Variants in SPPL3 observed in about 807,000 individuals in gnomAD.
The protein encoded by SPPL3 is signal peptide peptidase like 3.
SPPL3 carries 5 observed loss-of-function variants against 42.4 expected under a neutral mutation model. That is an observed-to-expected ratio of 0.12 (90% CI 0.06 to 0.25). The LOEUF is 0.25. SPPL3 is among the 10% of genes least tolerant of loss of function. The pLI is 1.00. For synonymous variants in SPPL3, 195 were observed against 181.8 expected (o/e 1.07, Z -0.58); for missense variants, 235 against 489.0 (o/e 0.48, Z 4.90).
Position 120,767,387 on chromosome 12 carries a change from C to CAAG in SPPL3, c.973+6_973+7insCTT. 1.2e-6 allele frequency: 2 copies of CAAG among 1,611,086 alleles called. No homozygotes were observed. Among genetic ancestry groups the CAAG allele is most frequent in the Non-Finnish European group, 1.7e-6 (2 of 1,179,872 alleles). ...AGGATCATCTGCAGTCTCTCTGGTT[C>CAAG]TCTTACCTACAAAGTATCCGATGAG... On this transcript the variant is annotated splice_region_variant and intron_variant, in intron 9 of 10. Coordinates refer to ENST00000353487, the MANE Select transcript of SPPL3 (RefSeq NM_139015.5).
At chr12:120,839,850 T>TAA (rs919847886) in intron 1 of SPPL3, among the ~76,000 whole-genome samples, 2 of 148,088 alleles carry the variant, frequency 1.4e-5, no homozygotes, top group African/African-American at 5.0e-5. Flanking sequence ...TACACATATA[T>TAA]AAAAAAAAAA....
intron 1 of SPPL3, among the ~76,000 whole-genome samples, chr12:120,869,469 T>A (rs146130224): frequency 6.6e-6 from 1 of 152,228 alleles, no homozygotes; most frequent in African/African-American, 2.4e-5. Context: ...AGCACTTTCC[T>A]GCACACTGCA....
intron 1 of SPPL3, among the ~76,000 whole-genome samples, chr12:120,813,298 G>A (rs533633667): frequency 2.0e-5 from 3 of 151,286 alleles, no homozygotes; most frequent in East Asian, 1.9e-4. Flanking sequence ...GTCTATAATG[G>A]CAGGCTTTTG....
chr12:120,850,726 T>G (rs150125751), intron 1 of SPPL3, among the ~76,000 whole-genome samples: 4 of 152,328 alleles, frequency 2.6e-5, no homozygotes, highest in African/African-American at 9.6e-5. Context: ...GTCATGAATC[T>G]GACATCGGTT....
At chr12:120,858,665 G>A (rs1391157475) in intron 1 of SPPL3, among the ~76,000 whole-genome samples, 1 of 151,986 alleles carries the variant, frequency 6.6e-6, no homozygotes, top group Non-Finnish European at 1.5e-5. Context: ...TTAAGAAAGG[G>A]ATAAAAAGAT....
intron 6 of SPPL3, among the ~76,000 whole-genome samples, chr12:120,774,206 T>TA (rs1224396931): frequency 1.3e-5 from 2 of 152,322 alleles, no homozygotes; most frequent in Non-Finnish European, 2.9e-5. Context: ...TGTTATCCTT[T>TA]ACTGTTACTG....
intron 1 of SPPL3, among the ~76,000 whole-genome samples, chr12:120,890,263 A>G (rs1873592750): frequency 6.6e-6 from 1 of 151,400 alleles, no homozygotes; most frequent in African/African-American, 2.4e-5. Context: ...AAAATAAAAT[A>G]AAAAGTTTTA....
At chr12:120,865,666 C>A (rs1872735382) in intron 1 of SPPL3, among the ~76,000 whole-genome samples, 1 of 152,156 alleles carries the variant, frequency 6.6e-6, no homozygotes, top group Non-Finnish European at 1.5e-5. Flanking sequence ...AAATTTTATA[C>A]AGTAGTCAAG....
intron 8 of SPPL3, 151 bp downstream of exon 8, chr12:120,768,174 C>T: frequency 1.9e-6 from 2 of 1,034,468 alleles, no homozygotes; most frequent in Non-Finnish European, 1.3e-6. Flanking sequence ...TCTTGGCAAG[C>T]CAAGAATCTC....
intron 1 of SPPL3, among the ~76,000 whole-genome samples, chr12:120,863,625 T>C (rs1872676624): frequency 6.6e-6 from 1 of 152,178 alleles, no homozygotes; most frequent in African/African-American, 2.4e-5. Flanking sequence ...TATTCTTCAA[T>C]ACTGAAATGA....
intron 1 of SPPL3, among the ~76,000 whole-genome samples, chr12:120,816,921 T>C (rs943043404): frequency 6.6e-6 from 1 of 152,188 alleles, no homozygotes; most frequent in African/African-American, 2.4e-5. Context: ...CAATCCTTTA[T>C]ATCTTTCTAT....
At chr12:120,795,278 A>G (rs2136989219) in intron 2 of SPPL3, among the ~76,000 whole-genome samples, 1 of 152,370 alleles carries the variant, frequency 6.6e-6, no homozygotes, top group East Asian at 1.9e-4. Context: ...AACTGTAAAT[A>G]GAAAAAAACT....
At chr12:120,786,699 A>G (rs1869734131) in intron 3 of SPPL3, among the ~76,000 whole-genome samples, 1 of 152,132 alleles carries the variant, frequency 6.6e-6, no homozygotes, top group African/African-American at 2.4e-5. Context: ...GCGATGTCAC[A>G]GGGCAAGTAA....
At chr12:120,878,975 T>C (rs11065307) in intron 1 of SPPL3, among the ~76,000 whole-genome samples, 62,341 of 150,932 alleles carry the variant, frequency 0.41, 14,454 homozygotes, top group Middle Eastern at 0.56. Flanking sequence ...TAGCTGGGTG[T>C]GGTGGCGGGC....
At chr12:120,865,630 T>A (rs1311830056) in intron 1 of SPPL3, among the ~76,000 whole-genome samples, 1 of 152,196 alleles carries the variant, frequency 6.6e-6, no homozygotes, top group Non-Finnish European at 1.5e-5. Flanking sequence ...CCTGGGATAG[T>A]AGATGCATTC....
At chr12:120,866,791 T>C (rs1872766180) in intron 1 of SPPL3, among the ~76,000 whole-genome samples, 1 of 152,222 alleles carries the variant, frequency 6.6e-6, no homozygotes, top group Admixed American at 6.5e-5. Flanking sequence ...ATCAAACATG[T>C]CACTTCTCAA....
At chr12:120,765,740 G>C (rs907097075) in intron 10 of SPPL3, among the ~76,000 whole-genome samples, 22 of 152,006 alleles carry the variant, frequency 1.4e-4, no homozygotes, top group African/African-American at 5.3e-4. Flanking sequence ...CAACTCTCTA[G>C]AGGTAGTGAG....
chr12:120,830,954 G>A (rs1871408081), intron 1 of SPPL3, among the ~76,000 whole-genome samples: 1 of 152,106 alleles, frequency 6.6e-6, no homozygotes, highest in South Asian at 2.1e-4. Context: ...TGTTTCTGGA[G>A]GGGATCAGCA....
intron 1 of SPPL3, among the ~76,000 whole-genome samples, chr12:120,894,154 G>A (rs536018644): frequency 5.8e-4 from 88 of 152,172 alleles, no homozygotes; most frequent in African/African-American, 2.0e-3. Context: ...GAGAAACCCC[G>A]TCTCTACTAA....
Sources: allele counts gnomAD v4.1 joint callset (sites outside exome capture counted in the v4.1 genomes callset), GRCh38; gene constraint gnomAD v4.1.1; transcripts MANE v1.5; gene names NCBI Gene and HGNC (gene_info 2026-07-23, HGNC 2026-07-21).